FLYWCH1: variants seen among roughly 807,000 people sequenced by gnomAD.
FLYWCH1 encodes the protein FLYWCH-type zinc finger 1.
Under a neutral mutation model 66.4 loss-of-function variants are expected in FLYWCH1, and 75 were observed. The observed-to-expected ratio is 1.13, with a 90% CI of 0.94 to 1.37. The LOEUF is 1.37. FLYWCH1 is among the 40% of genes most tolerant of loss of function. The pLI is 0.00. For synonymous variants in FLYWCH1, 595 were observed against 429.9 expected, an observed-to-expected ratio of 1.38 and a Z score of -4.75; for missense variants, 1,334 against 1,001.8, an observed-to-expected ratio of 1.33 and a Z score of -4.48.
At chr16:2,920,889 T>C (rs948760069) in intron 2 of FLYWCH1, among the ~76,000 whole-genome samples, 3 of 132,586 alleles carry the variant, frequency 2.3e-5, no homozygotes, top group African/African-American at 8.6e-5. Context: ...TCGCCCAGGC[T>C]GGAGTGCAGT....
intron 6 of FLYWCH1, 101 bp downstream of exon 6, chr16:2,934,080 T>C: frequency 7.4e-7 from 1 of 1,345,872 alleles, no homozygotes; most frequent in Non-Finnish European, 9.8e-7. Context: ...AAACGTCCTC[T>C]TCCCTTCTTT....
intron 9 of FLYWCH1, 60 bp from the exon 10 acceptor site, chr16:2,948,628 T>G (rs8050688): frequency 0.19 from 299,062 of 1,538,658 alleles, 36,402 homozygotes; most frequent in African/African-American, 0.47. Flanking sequence ...GAACTTTCTG[T>G]GTTATCTATT....
At chr16:2,944,192 G>A (rs1352969409) in intron 9 of FLYWCH1, among the ~76,000 whole-genome samples, 1 of 151,884 alleles carries the variant, frequency 6.6e-6, no homozygotes, top group Non-Finnish European at 1.5e-5. Context: ...TTCCAGACCA[G>A]CCTGGGGAAC....
Position 2,914,163 on chromosome 16 carries a change from A to C in FLYWCH1, c.-187-13A>C, listed in dbSNP as rs1000728078. ...CCTGCAGTATTTCATTTGCCACTTT[A>C]CTTTCTTCACAGGTGAAACCAGCCC... On this transcript the variant is annotated splice_polypyrimidine_tract_variant and intron_variant, in intron 1 of 9. Coordinates refer to ENST00000253928, the MANE Select transcript of FLYWCH1 (RefSeq NM_001308068.2). 6.6e-6 allele frequency: 1 copy of C among 152,172 alleles called. No homozygotes were observed. Among genetic ancestry groups the C allele is most frequent in the Non-Finnish European group, 1.5e-5 (1 of 68,038 alleles). The allele number at this position is 152,172 out of a possible 1,614,324, so 9.4% of individuals were successfully genotyped here. A position where few individuals can be genotyped will look rare whatever the true frequency, so the allele number is the denominator to read the frequency against.
intron 2 of FLYWCH1, among the ~76,000 whole-genome samples, chr16:2,927,066 T>C (rs941343182): frequency 5.9e-5 from 9 of 152,216 alleles, no homozygotes; most frequent in Non-Finnish European, 1.2e-4. Context: ...GCTTCAGTAT[T>C]GGCTGCCTCC....
In FLYWCH1 at chr16:2,930,035, C is replaced by G. The variant is rs199909529; in HGVS notation, c.325+25C>G. ...GGTGAGGTGTGGCTTCCCGCCCCTGCCCAGCCACCCCGTGGGTTCCAGCGC... is the reference window on the plus strand; with the variant it reads ...GGTGAGGTGTGGCTTCCCGCCCCTGGCCAGCCACCCCGTGGGTTCCAGCGC... On this transcript the variant is annotated intron_variant, in intron 3 of 9. Coordinates refer to ENST00000253928, the MANE Select transcript of FLYWCH1 (RefSeq NM_001308068.2). 1.8e-3 allele frequency: 2,889 copies of G among 1,580,940 alleles called. 6 individuals are homozygous for G. Among genetic ancestry groups the G allele is most frequent in the Non-Finnish European group, 2.1e-3 (2,453 of 1,158,134 alleles).
At chr16:2,924,279 C>T (rs916526439) in intron 2 of FLYWCH1, among the ~76,000 whole-genome samples, 1 of 150,606 alleles carries the variant, frequency 6.6e-6, no homozygotes, top group Non-Finnish European at 1.5e-5. Flanking sequence ...TGCAGTGAGC[C>T]GAGATCCGAG....
chr16:2,943,479 G>A (rs2071355283), intron 9 of FLYWCH1: 1 of 151,434 alleles, frequency 6.6e-6, no homozygotes, highest in Non-Finnish European at 1.5e-5. Flanking sequence ...TGTGTGATGG[G>A]GATGCCTGCA....
At chr16:2,923,195 G>A in intron 2 of FLYWCH1, 1 of 348,536 alleles carries the variant, frequency 2.9e-6, no homozygotes, top group South Asian at 2.6e-5. Context: ...AGCTTTACAA[G>A]GGGCAGGAGC....
Position 2,948,765 on chromosome 16 carries a change from A to T in FLYWCH1, c.*38A>T. ...AGAGGAGCTCCGAGCCGCCCACCCAAGGTGGCTTCACATCCACACAGGCAC... is the reference window on the plus strand; with the variant it reads ...AGAGGAGCTCCGAGCCGCCCACCCATGGTGGCTTCACATCCACACAGGCAC... On this transcript the variant is annotated 3_prime_UTR_variant, in exon 10 of 10. Coordinates refer to ENST00000253928, the MANE Select transcript of FLYWCH1 (RefSeq NM_001308068.2). 1 of 1,607,584 alleles carries T rather than the reference A, an allele frequency of 6.2e-7. No homozygotes were observed. Among genetic ancestry groups the T allele is most frequent in the Non-Finnish European group, 8.5e-7 (1 of 1,174,294 alleles).
In FLYWCH1 at chr16:2,921,412, G is replaced by A. The variant is rs576298981; in HGVS notation, c.-74+7123G>A. Among the ~76,000 whole-genome samples, 207 of 152,120 alleles carry A rather than the reference G, an allele frequency of 1.4e-3. 2 individuals are homozygous for A. The highest frequency in any genetic ancestry group is 4.6e-3 in the African/African-American group (190 of 41,484). On this transcript the variant is annotated intron_variant, in intron 2 of 9. Transcript: ENST00000253928. ...TGGTTGCTCCCTTTCTCTGGACAGG[G>A]AAGCGGGTGAGAAGAGCTTATAGAG...
intron 6 of FLYWCH1, chr16:2,936,444 A>AC: frequency 1.1e-5 from 5 of 443,822 alleles, no homozygotes; most frequent in Middle Eastern, 3.3e-4. Flanking sequence ...ACAGCCAGAC[A>AC]CCCTCCCGCC....
At chr16:2,946,477 A>G (rs570120794) in intron 9 of FLYWCH1, among the ~76,000 whole-genome samples, 2 of 151,596 alleles carry the variant, frequency 1.3e-5, no homozygotes, top group Admixed American at 1.3e-4. Context: ...GTGTGTCACC[A>G]CACCTGGCTA....
At chr16:2,940,479 A>AGGCTG (rs1193760765) in intron 9 of FLYWCH1, among the ~76,000 whole-genome samples, 4 of 152,242 alleles carry the variant, frequency 2.6e-5, no homozygotes, top group Non-Finnish European at 4.4e-5. Context: ...TGTGTGGCCC[A>AGGCTG]GGCTGGAGTA....
At chr16:2,921,291 A>G (rs7200565) in intron 2 of FLYWCH1, among the ~76,000 whole-genome samples, 28,151 of 148,294 alleles carry the variant, frequency 0.19, 3,340 homozygotes, top group Admixed American at 0.25. Context: ...TAAGTCTACA[A>G]TTCATTGCTT....
intron 2 of FLYWCH1, among the ~76,000 whole-genome samples, chr16:2,926,103 C>T (rs1200387268): frequency 6.6e-6 from 1 of 152,202 alleles, no homozygotes; most frequent in South Asian, 2.1e-4. Context: ...GCCCCATTCC[C>T]CATTATTTGC....
intron 9 of FLYWCH1, among the ~76,000 whole-genome samples, chr16:2,946,207 G>A (rs1254388391): frequency 6.6e-6 from 1 of 151,744 alleles, no homozygotes; most frequent in African/African-American, 2.4e-5. Flanking sequence ...TACTAAGTGT[G>A]CAGGACATAC....
intron 6 of FLYWCH1, chr16:2,934,558 G>A (rs1164209076): frequency 2.3e-6 from 1 of 443,736 alleles, no homozygotes. Flanking sequence ...GCGTCTGGCT[G>A]AGGAGCCATT....
At chr16:2,941,876 C>T (rs553005972) in intron 9 of FLYWCH1, among the ~76,000 whole-genome samples, 1 of 151,136 alleles carries the variant, frequency 6.6e-6, no homozygotes, top group East Asian at 2.0e-4. Flanking sequence ...GAAAAATTAG[C>T]CAGGCGTGGT....
Sources: gnomAD v4.1 joint callset for allele counts (sites outside exome capture counted in the v4.1 genomes callset) on GRCh38, gnomAD v4.1.1 for gene constraint, MANE v1.5 for transcripts, NCBI Gene and HGNC (gene_info 2026-07-23, HGNC 2026-07-21) for gene names.